The following CENPS variants were observed in gnomAD, a reference collection of about 807,000 sequenced individuals.
CENPS encodes FANCM associated histone fold protein 1.
Under a neutral mutation model 17.9 loss-of-function variants are expected in CENPS, and 16 were observed. The observed-to-expected ratio is 0.90, with a 90% confidence interval of 0.61 to 1.36. The LOEUF is 1.36. CENPS is among the 40% of genes most tolerant of loss of function. The probability of loss-of-function intolerance (pLI) is 0.00; values close to 1 mark genes in which losing one functional copy is unlikely to be tolerated. For missense variants in CENPS, 160 were observed against 158.6 expected (o/e 1.01, Z -0.05); for synonymous variants, 49 against 55.8 (o/e 0.88, Z 0.54).
chr1:10,433,140 A>G (rs1014539851), intron 1 of CENPS, among the ~76,000 whole-genome samples: 1 of 152,206 alleles, frequency 6.6e-6, no homozygotes, highest in African/African-American at 2.4e-5. Flanking sequence ...TGGGCTCAAC[A>G]GAACTCTGTC....
Position 10,442,423 on chromosome 1 carries a change from A to G in CENPS, c.*18A>G, listed in dbSNP as rs1033792793. On this transcript the variant is annotated 3_prime_UTR_variant, in exon 5 of 5. Coordinates refer to ENST00000309048, the MANE Select transcript of CENPS (RefSeq NM_199294.3). ...AGAATTAAAGTCCCTCGCCGCTTGG[A>G]AAGTGCAGCCTTCTACAGGTAGAGC... 9.0e-6 allele frequency: 14 copies of G among 1,561,652 alleles called. No homozygotes were observed. Among genetic ancestry groups the G allele is most frequent in the East Asian group, 2.3e-5 (1 of 43,008 alleles).
Position 10,430,472 on chromosome 1 carries a change from GCCCCTTCTCGGCCCT to G in CENPS, c.-43_-29del. 2.0e-6 allele frequency: 3 copies of G among 1,529,340 alleles called. No homozygotes were observed. Among genetic ancestry groups the G allele is most frequent in the Non-Finnish European group, 2.6e-6 (3 of 1,139,008 alleles). The allele number at this position is 1,529,340 out of a possible 1,614,324, so 94.7% of individuals were successfully genotyped here. ...AAATCCGACCTGGCCGCGCACCACC[GCCCCTTCTCGGCCCT>G]CCTGCGTTTGCCCAGGGTCGGCCCG... On this transcript the variant is annotated 5_prime_UTR_variant, in exon 1 of 5. Coordinates refer to ENST00000309048, the MANE Select transcript of CENPS (RefSeq NM_199294.3).
At chr1:10,436,337 AGTGT>A (rs373435454) in intron 3 of CENPS, among the ~76,000 whole-genome samples, 405 of 150,600 alleles carry the variant, frequency 2.7e-3, no homozygotes, top group African/African-American at 9.4e-3. Flanking sequence ...CGTGCATGTG[AGTGT>A]GTGTGTGTAT....
intron 1 of CENPS, among the ~76,000 whole-genome samples, chr1:10,433,454 T>C (rs1425787066): frequency 6.6e-6 from 1 of 152,206 alleles, no homozygotes; most frequent in Non-Finnish European, 1.5e-5. Context: ...AAGGGCAAAG[T>C]TCCCTGCCCG....
intron 3 of CENPS, among the ~76,000 whole-genome samples, chr1:10,438,455 ATTTC>A (rs1640269860): frequency 6.6e-6 from 1 of 152,174 alleles, no homozygotes; most frequent in African/African-American, 2.4e-5. Flanking sequence ...TGAGTTGTGA[ATTTC>A]TTTATTTAGC....
chr1:10,432,469 T>G (rs1470765166), intron 1 of CENPS, among the ~76,000 whole-genome samples: 1 of 152,150 alleles, frequency 6.6e-6, no homozygotes, highest in African/African-American at 2.4e-5. Context: ...GCTGAGAAAT[T>G]TGCCCCTCAG....
At chr1:10,439,515 C>T (rs1640316067) in intron 3 of CENPS, among the ~76,000 whole-genome samples, 2 of 151,888 alleles carry the variant, frequency 1.3e-5, no homozygotes, top group Admixed American at 1.3e-4. Flanking sequence ...TGGGAGGCAG[C>T]TGGATCATGA....
chr1:10,433,064 G>C (rs781725455), intron 1 of CENPS, among the ~76,000 whole-genome samples: 4 of 152,198 alleles, frequency 2.6e-5, no homozygotes, highest in Non-Finnish European at 2.9e-5. Flanking sequence ...TTATGCCCTT[G>C]TGGGTTCAGC....
rs12031207 is a variant in CENPS at position 10,437,475 on chromosome 1, T to G, written c.209+2785T>G. On this transcript the variant is annotated intron_variant, in intron 3 of 4. Coordinates refer to ENST00000309048, the MANE Select transcript of CENPS (RefSeq NM_199294.3). ...TTTTTTGTTTTTTGTTTTTTGTTTT[T>G]AGATGGAGTCTCACTCTGTCGCCCA... Among the ~76,000 whole-genome samples the G allele has an allele frequency of 4.8e-3, 707 of 145,994 alleles. 7 individuals carry two copies. The highest frequency in any genetic ancestry group is 0.016 in the African/African-American group (629 of 39,518).
chr1:10,434,697 A>G lies in CENPS; in HGVS notation c.209+7A>G, dbSNP rs760512781. 61 of 1,604,700 alleles carry G rather than the reference A, an allele frequency of 3.8e-5. No individual in the cohort carries two copies. Among genetic ancestry groups the G allele is most frequent in the Non-Finnish European group, 4.9e-5 (58 of 1,177,450 alleles). On this transcript the variant is annotated splice_region_variant and intron_variant, in intron 3 of 4. Transcript: ENST00000309048. ...ACCTTGAAATGTTTGCAAGGTGGGT[A>G]GAGAACTTGATTATCCGACACTGCG...
In CENPS at chr1:10,442,399, GAATT is replaced by G. The variant is rs759565264; in HGVS notation, c.414_417del (p.Asn138LysfsTer14). 1.4e-5 allele frequency: 22 copies of G among 1,577,680 alleles called. No individual in the cohort carries two copies. In the African/African-American group the frequency reaches 2.8e-4, roughly 20 times the overall value. ...CAGAGGCTGGAGTGGTGGAAAGTGAGAATTAAAGTCCCTCGCCGCTTGGAAAGTG... is the reference window on the plus strand; with the variant it reads ...CAGAGGCTGGAGTGGTGGAAAGTGAGAAAGTCCCTCGCCGCTTGGAAAGTG... On this transcript the variant is annotated frameshift_variant and stop_lost, in exon 5 of 5. Transcript: ENST00000309048. LOFTEE classifies it high-confidence loss of function.
intron 3 of CENPS, among the ~76,000 whole-genome samples, chr1:10,437,966 T>C (rs1053661824): frequency 1.3e-5 from 2 of 152,132 alleles, no homozygotes; most frequent in East Asian, 3.8e-4. Flanking sequence ...TTCACCATGT[T>C]GGCCAGGCTT....
chr1:10,436,699 C>A (rs1440132438), intron 3 of CENPS, among the ~76,000 whole-genome samples: 1 of 125,798 alleles, frequency 7.9e-6, no homozygotes, highest in Non-Finnish European at 1.6e-5. Flanking sequence ...GAGTGAGACT[C>A]TGTCTCTTTA....
At chr1:10,431,184 C>A in intron 1 of CENPS, 1 of 1,483,092 alleles carries the variant, frequency 6.7e-7, no homozygotes. Context: ...CTTTCATCAG[C>A]GCCGGGCATA....
At chr1:10,436,317 G>A (rs1216358201) in intron 3 of CENPS, among the ~76,000 whole-genome samples, 2 of 151,730 alleles carry the variant, frequency 1.3e-5, no homozygotes, top group East Asian at 3.9e-4. Flanking sequence ...GGTGGGGAAA[G>A]GGGTATGTGC....
intron 1 of CENPS, among the ~76,000 whole-genome samples, chr1:10,432,245 G>A (rs1434584609): frequency 2.6e-5 from 4 of 151,962 alleles, no homozygotes; most frequent in Non-Finnish European, 4.4e-5. Flanking sequence ...CTGCCACCAC[G>A]CCCAGCTAAT....
chr1:10,431,244 A>G (rs1359865040), intron 1 of CENPS: 2 of 1,533,680 alleles, frequency 1.3e-6, no homozygotes, highest in Admixed American at 3.9e-5. Context: ...TAAAAGCAAG[A>G]CCCGGAGTGG....
chr1:10,442,330 GA>G lies in CENPS; in HGVS notation c.347del (p.Lys116ArgfsTer37). ...QINLERKAQK[K>X]KKSEDGSKNS... ...TTAACCTAGAACGAAAAGCACAGAA[GA>G]AAAAGAAGTCAGAGGATGGAAGCAA... On this transcript the variant is annotated frameshift_variant, in exon 5 of 5. Coordinates refer to ENST00000309048, the MANE Select transcript of CENPS (RefSeq NM_199294.3). LOFTEE classifies it low-confidence loss of function (END_TRUNC). 1 of 1,606,848 alleles carries G rather than the reference GA, an allele frequency of 6.2e-7. No homozygotes were observed. The highest frequency in any genetic ancestry group is 1.1e-5 in the South Asian group (1 of 89,936).
chr1:10,431,022 T>TCAGG, intron 1 of CENPS: 3 of 1,323,766 alleles, frequency 2.3e-6, no homozygotes, highest in Non-Finnish European at 2.9e-6. Flanking sequence ...TGCGGACCAG[T>TCAGG]CAGGCCCAGA....
Sources: gnomAD v4.1 joint callset for allele counts (sites outside exome capture counted in the v4.1 genomes callset) on GRCh38, gnomAD v4.1.1 for gene constraint, MANE v1.5 for transcripts, NCBI Gene and HGNC (gene_info 2026-07-23, HGNC 2026-07-21) for gene names.